UBE2V1: variants seen among roughly 807,000 people sequenced by gnomAD.
The protein encoded by UBE2V1 is ubiquitin conjugating enzyme E2 V1, also known as ubiquitin-conjugating enzyme E2 variant 1.
Under a neutral mutation model 19.6 loss-of-function variants are expected in UBE2V1, and 15 were observed. That is an observed-to-expected ratio of 0.77 (90% CI 0.51 to 1.18). The LOEUF is 1.18. Ranked by LOEUF, UBE2V1 falls within the 50% of genes most tolerant of loss-of-function variation. The pLI, the probability that UBE2V1 is intolerant of heterozygous loss-of-function variation, is 0.00. For missense variants in UBE2V1, 125 were observed against 184.8 expected (o/e 0.68, Z 1.88); for synonymous variants, 60 against 60.7 (o/e 0.99, Z 0.05).
chr20:50,101,571 CAAAAAAAAAAAA>C (rs11481618), intron 1 of UBE2V1, among the ~76,000 whole-genome samples: 1 of 71,192 alleles, frequency 1.4e-5, no homozygotes. Flanking sequence ...CATTTATAAG[CAAAAAAAAAAAA>C]AAAAAAAAAA....
chr20:50,113,766 A>AATTCATTCATTC (rs67186246), upstream of UBE2V1, among the ~76,000 whole-genome samples: 32 of 132,892 alleles, frequency 2.4e-4, no homozygotes, highest in East Asian at 1.6e-3. Context: ...CCATCTACCC[A>AATTCATTCATTC]ATTCATTCAT....
upstream of UBE2V1, among the ~76,000 whole-genome samples, chr20:50,113,936 C>T (rs2080930963): frequency 6.6e-6 from 1 of 152,046 alleles, no homozygotes; most frequent in Non-Finnish European, 1.5e-5. Context: ...TCGTAGACAG[C>T]AAGTAAATAA....
At chr20:50,093,820 T>C (rs1028774392) in intron 2 of UBE2V1, among the ~76,000 whole-genome samples, 14 of 150,990 alleles carry the variant, frequency 9.3e-5, no homozygotes, top group African/African-American at 2.9e-4. Context: ...TGAAACCCCG[T>C]CTCTACTAAA....
rs528773295 is a variant in UBE2V1, at chr20:50,082,035, G to A, written c.*733C>T. 27 of 199,822 alleles carry A rather than the reference G, an allele frequency of 1.4e-4. No individual in the cohort carries two copies. Among genetic ancestry groups the A allele is most frequent in the African/African-American group, 2.8e-4 (12 of 43,020 alleles). 12.4% of individuals were successfully genotyped at this position (199,822 alleles called of 1,614,324 possible). A position where few individuals can be genotyped will look rare whatever the true frequency, so the allele number is the denominator to read the frequency against. On this transcript the variant is annotated 3_prime_UTR_variant, in exon 4 of 4. Transcript: ENST00000371674. The stretch of plus-strand genomic sequence containing the variant: ...ATGGAAGGTGTTGGGTGGTGACGGT[G>A]CAAAAAGGAACTTGAGGAGGAGGGA...
chr20:50,115,374 A>G (rs374977269), upstream of UBE2V1: 1 of 1,368,328 alleles, frequency 7.3e-7, no homozygotes, highest in Non-Finnish European at 9.6e-7. Context: ...TTCGTGTATC[A>G]CGTGATACAA....
chr20:50,096,377 C>T, intron 2 of UBE2V1: 1 of 502,758 alleles, frequency 2.0e-6, no homozygotes, highest in Admixed American at 3.7e-5. Flanking sequence ...ATTTGGTTAG[C>T]CCAGAGATTG....
Position 50,082,449 on chromosome 20 carries a change from TCA to T in UBE2V1, c.*317_*318del, listed in dbSNP as rs1169053770. ...CAAGGTGATTGTGTGATGTGTCTTT[TCA>T]CAGTTGAGTTAGATGTGCCCCACCA... On this transcript the variant is annotated 3_prime_UTR_variant, in exon 4 of 4. Transcript: ENST00000371674. 1 of 285,374 alleles carries T rather than the reference TCA, an allele frequency of 3.5e-6. No homozygotes were observed. Among genetic ancestry groups the T allele is most frequent in the African/African-American group, 2.2e-5 (1 of 44,566 alleles). 17.7% of individuals were successfully genotyped at this position (285,374 alleles called of 1,614,324 possible). A position where few individuals can be genotyped will look rare whatever the true frequency, so the allele number is the denominator to read the frequency against.
At chr20:50,084,069 T>G (rs1211519186) in intron 3 of UBE2V1, 60 bp downstream of exon 3, 10 of 1,523,644 alleles carry the variant, frequency 6.6e-6, no homozygotes, top group Non-Finnish European at 8.8e-6. Context: ...AAGCTCCTGA[T>G]GTTAAGTACA....
chr20:50,092,596 A>G (rs999538303), intron 2 of UBE2V1, among the ~76,000 whole-genome samples: 1 of 152,216 alleles, frequency 6.6e-6, no homozygotes, highest in African/African-American at 2.4e-5. Context: ...ACTCTGCTCT[A>G]TATAACTTGA....
intron 1 of UBE2V1, among the ~76,000 whole-genome samples, chr20:50,106,690 C>T (rs6125903): frequency 0.34 from 43,108 of 125,064 alleles, 6,162 homozygotes; most frequent in African/African-American, 0.43. Flanking sequence ...ATTAGCTGGG[C>T]GTGGTGGCGC....
chr20:50,111,810 C>T (rs1488723769), intron 1 of UBE2V1, among the ~76,000 whole-genome samples: 3 of 152,216 alleles, frequency 2.0e-5, no homozygotes, highest in Non-Finnish European at 2.9e-5. Flanking sequence ...CCAACACTGC[C>T]GCTGCTGTGG....
intron 2 of UBE2V1, among the ~76,000 whole-genome samples, chr20:50,092,607 C>T (rs764565393): frequency 6.6e-6 from 1 of 152,198 alleles, no homozygotes; most frequent in Non-Finnish European, 1.5e-5. Context: ...TATAACTTGA[C>T]TATTGTTAGT....
chr20:50,096,637 G>A, intron 2 of UBE2V1, 35 bp downstream of exon 2: 1 of 1,610,798 alleles, frequency 6.2e-7, no homozygotes, highest in Non-Finnish European at 8.5e-7. Context: ...GTGAATTTAA[G>A]ACATTGACAT....
chr20:50,087,076 C>G (rs547730747), intron 2 of UBE2V1, among the ~76,000 whole-genome samples: 1 of 148,860 alleles, frequency 6.7e-6, no homozygotes, highest in South Asian at 2.2e-4. Context: ...GACTCCATCT[C>G]AAAAACAAAA....
chr20:50,114,019 T>C (rs1327087670), upstream of UBE2V1, among the ~76,000 whole-genome samples: 1 of 152,062 alleles, frequency 6.6e-6, no homozygotes, highest in South Asian at 2.1e-4. Flanking sequence ...AGGAAGGGCC[T>C]CCTAAGGTGG....
chr20:50,082,977 G>A (rs2078706775), intron 3 of UBE2V1, 63 bp from the exon 4 acceptor site: 2 of 1,586,820 alleles, frequency 1.3e-6, no homozygotes, highest in Non-Finnish European at 1.7e-6. Flanking sequence ...CTATATGCCG[G>A]GGTTAAGCTA....
chr20:50,113,182 TC>T, upstream of UBE2V1: 2 of 680,644 alleles, frequency 2.9e-6, no homozygotes, highest in East Asian at 8.8e-5. Context: ...CCCTTACCCG[TC>T]CCCCGGCCCT....
chr20:50,100,585 C>CAA (rs397752567), intron 1 of UBE2V1, among the ~76,000 whole-genome samples: 17 of 140,376 alleles, frequency 1.2e-4, no homozygotes, highest in African/African-American at 3.6e-4. Context: ...ACTCCATCTC[C>CAA]AAAAAAAAAA....
intron 1 of UBE2V1, among the ~76,000 whole-genome samples, chr20:50,100,550 A>G (rs59311100): frequency 0.013 from 2,048 of 151,988 alleles, 43 homozygotes; most frequent in African/African-American, 0.047. Flanking sequence ...GCACCACTGC[A>G]CTCCAGCCTG....
Sources: allele counts gnomAD v4.1 joint callset (sites outside exome capture counted in the v4.1 genomes callset), GRCh38; gene constraint gnomAD v4.1.1; transcripts MANE v1.5; gene names NCBI Gene and HGNC (gene_info 2026-07-23, HGNC 2026-07-21).